The following RNF212B variants were observed in gnomAD, a reference collection of about 807,000 sequenced individuals.
The protein encoded by RNF212B is ring finger protein 212B.
A neutral mutation model predicts 55.5 loss-of-function variants in RNF212B; 52 were observed. The ratio of observed to expected loss-of-function variants is 0.94; its 90% CI spans 0.75 to 1.18. RNF212B has a LOEUF of 1.18. RNF212B is among the 50% of genes most tolerant of loss of function. The pLI, the probability that RNF212B is intolerant of heterozygous loss-of-function variation, is 0.00. For missense variants in RNF212B, 289 were observed against 350.4 expected (o/e 0.82, Z 1.40); for synonymous variants, 99 against 121.4 (o/e 0.82, Z 1.21).
chr14:23,237,261 C>T (rs1203640726), upstream of RNF212B, among the ~76,000 whole-genome samples: 1 of 152,026 alleles, frequency 6.6e-6, no homozygotes, highest in Non-Finnish European at 1.5e-5. Context: ...TCCTCAGTAG[C>T]TGAGATTACA....
chr14:23,251,404 A>G (rs910600201), intron 4 of RNF212B, among the ~76,000 whole-genome samples: 2 of 152,222 alleles, frequency 1.3e-5, no homozygotes, highest in African/African-American at 2.4e-5. Context: ...CTGGCCAACA[A>G]CAAACTTGAG....
chr14:23,218,551 G>A (rs904076610), intron 2 of RNF212B, among the ~76,000 whole-genome samples: 5 of 151,960 alleles, frequency 3.3e-5, no homozygotes, highest in Non-Finnish European at 5.9e-5. Context: ...TGAGGCTGCA[G>A]TGAGCCATGA....
chr14:23,200,065 A>G (rs1879135589), intron 2 of RNF212B, among the ~76,000 whole-genome samples: 1 of 152,124 alleles, frequency 6.6e-6, no homozygotes. Context: ...CGAGTGTACT[A>G]TCGTCTTGAA....
At chr14:23,240,574 G>C in intron 2 of RNF212B, 129 bp downstream of exon 2, 1 of 544,230 alleles carries the variant, frequency 1.8e-6, no homozygotes, top group Non-Finnish European at 3.2e-6. Context: ...AGATACTGTA[G>C]GAAACTGTCA....
At chr14:23,199,813 T>C (rs1047648691) in intron 2 of RNF212B, among the ~76,000 whole-genome samples, 16 of 152,324 alleles carry the variant, frequency 1.1e-4, no homozygotes, top group African/African-American at 2.9e-4. Context: ...AATTGGTTGC[T>C]GTTATTTTCT....
chr14:23,250,719 C>T (rs1016899242), intron 4 of RNF212B, among the ~76,000 whole-genome samples: 11 of 152,198 alleles, frequency 7.2e-5, no homozygotes, highest in South Asian at 2.1e-4. Flanking sequence ...AAGGTTCAGA[C>T]GACATGTGCC....
rs563886070 is a variant in RNF212B at position 23,248,430 on chromosome 14, C to A, written c.228+4034C>A. Among the ~76,000 whole-genome samples the A allele has an allele frequency of 2.7e-5, 4 of 148,196 alleles. No individual in the cohort carries two copies. In the East Asian group the frequency reaches 5.9e-4, roughly 22 times the overall value. On this transcript the variant is annotated intron_variant, in intron 4 of 14. Transcript: ENST00000430154. ...TACAGGCATGAGCCACCACGCCCAA[C>A]CCCAAGCCTCTTTTTTTTTTTTTTT...
At chr14:23,262,563 G>T (rs1214938533) in intron 7 of RNF212B, 102 bp from the exon 8 acceptor site, 2 of 996,982 alleles carry the variant, frequency 2.0e-6, no homozygotes, top group Middle Eastern at 2.1e-4. Context: ...TCCTCAGAGA[G>T]GAAGCTATTA....
rs1886230615 is a variant in RNF212B, at chr14:23,273,042, AC to A, written c.*154del. The A allele has an allele frequency of 2.0e-6, 1 of 509,568 alleles. No individual in the cohort carries two copies. The highest frequency in any genetic ancestry group is 3.5e-6 in the Non-Finnish European group (1 of 289,610). 31.6% of individuals were successfully genotyped at this position (509,568 alleles called of 1,614,324 possible). On this transcript the variant is annotated 3_prime_UTR_variant, in exon 15 of 15. Transcript: ENST00000430154. ...TGCTCCCCCCATCTTTACCCTATTC[AC>A]CCTTATCACCTCCCAGGACAGTGGT... is the stretch of plus-strand genomic sequence containing the variant.
intron 1 of RNF212B, among the ~76,000 whole-genome samples, chr14:23,239,145 C>T (rs2140432989): frequency 6.6e-6 from 1 of 152,194 alleles, no homozygotes; most frequent in African/African-American, 2.4e-5. Context: ...CTCACTGCAA[C>T]CTCCTGGGTT....
intron 2 of RNF212B, among the ~76,000 whole-genome samples, chr14:23,223,992 G>A (rs1010045829): frequency 6.6e-6 from 1 of 151,990 alleles, no homozygotes. Flanking sequence ...ATTTACAACA[G>A]CCACATATAA....
At chr14:23,252,660 T>A (rs1884501255) in intron 4 of RNF212B, among the ~76,000 whole-genome samples, 1 of 152,024 alleles carries the variant, frequency 6.6e-6, no homozygotes, top group Non-Finnish European at 1.5e-5. Flanking sequence ...GATCATTGAT[T>A]GGTTAAGGAA....
At chr14:23,229,059 C>G (rs1882292403) in intron 2 of RNF212B, among the ~76,000 whole-genome samples, 1 of 151,650 alleles carries the variant, frequency 6.6e-6, no homozygotes, top group Non-Finnish European at 1.5e-5. Flanking sequence ...CTCTAATCTA[C>G]TTTCTGTCTC....
At chr14:23,201,177 T>C (rs1223993632) in intron 2 of RNF212B, among the ~76,000 whole-genome samples, 1 of 152,194 alleles carries the variant, frequency 6.6e-6, no homozygotes, top group Non-Finnish European at 1.5e-5. Flanking sequence ...TCTCCATGAG[T>C]CTTGAAAGTT....
At chr14:23,257,166 A>AATAAAG (rs1884906560) in intron 4 of RNF212B, among the ~76,000 whole-genome samples, 1 of 151,236 alleles carries the variant, frequency 6.6e-6, no homozygotes. Context: ...CACACAAAAA[A>AATAAAG]AATAAAATAA....
rs1034519190 is a variant in RNF212B at position 23,270,643 on chromosome 14, C to T, written c.816C>T (p.Phe272=). 6.5e-7 allele frequency: 1 copy of T among 1,550,166 alleles called. No homozygotes were observed. ...STTTLESLPS[F]QLPVLQTLYQ... ...CTACACTAGAGAGTCTTCCTAGTTT[C>T]CAGCTACCAGTCCTGCAGGTGAGAC... The change falls in exon 14 of 15, where the codon TTC becomes TTT. Residue 272 remains phenylalanine, a synonymous_variant. Coordinates refer to ENST00000430154, the MANE Select transcript of RNF212B (RefSeq NM_001282322.3).
chr14:23,221,239 A>C (rs1249972054), intron 2 of RNF212B, among the ~76,000 whole-genome samples: 2 of 152,030 alleles, frequency 1.3e-5, no homozygotes, highest in South Asian at 2.1e-4. Flanking sequence ...ATAGGAAAAA[A>C]AAAAAAAAAG....
intron 11 of RNF212B, among the ~76,000 whole-genome samples, chr14:23,265,934 G>A (rs887837002): frequency 6.6e-6 from 1 of 151,866 alleles, no homozygotes; most frequent in African/African-American, 2.4e-5. Context: ...TATAACATTT[G>A]GCATGCTGTG....
chr14:23,264,492 T>C lies in RNF212B; in HGVS notation c.586-131T>C, dbSNP rs1047463525. On this transcript the variant is annotated intron_variant, in intron 10 of 14. Coordinates refer to ENST00000430154, the MANE Select transcript of RNF212B (RefSeq NM_001282322.3). ...TTTTGGAAGGAGTAAAGTATGGATC[T>C]TTCTTTGACTAGTATGCCCACTGCA... 15 of 739,110 alleles carry C rather than the reference T, an allele frequency of 2.0e-5. No individual in the cohort carries two copies. In the Admixed American group the frequency reaches 2.2e-4, roughly 11 times the overall value. 45.8% of individuals were successfully genotyped at this position (739,110 alleles called of 1,614,324 possible). A position where few individuals can be genotyped will look rare whatever the true frequency, so the allele number is the denominator to read the frequency against.
Sources: gnomAD v4.1 joint callset for allele counts (sites outside exome capture counted in the v4.1 genomes callset) on GRCh38, gnomAD v4.1.1 for gene constraint, MANE v1.5 for transcripts, NCBI Gene and HGNC (gene_info 2026-07-23, HGNC 2026-07-21) for gene names.